UBE2U: variants seen among roughly 807,000 people sequenced by gnomAD.
UBE2U encodes the protein ubiquitin conjugating enzyme E2 U.
A neutral mutation model predicts 41.2 loss-of-function variants in UBE2U; 39 were observed. The observed-to-expected ratio is 0.95, with a 90% CI of 0.73 to 1.24. The LOEUF (loss-of-function observed/expected upper bound fraction) is 1.24. UBE2U is among the 50% of genes most tolerant of loss of function. UBE2U has a pLI of 0.00. For synonymous variants in UBE2U, 107 were observed against 117.8 expected, an observed-to-expected ratio of 0.91 and a Z score of 0.60; for missense variants, 336 against 363.1, an observed-to-expected ratio of 0.93 and a Z score of 0.61.
chr1:64,219,741 G>A (rs533909507), intron 5 of UBE2U, among the ~76,000 whole-genome samples: 64 of 151,876 alleles, frequency 4.2e-4, no homozygotes, highest in Non-Finnish European at 7.4e-4. Flanking sequence ...GACTACAGGC[G>A]CCCGCCACCA....
chr1:64,247,693 A>G (rs1228699658), intron 8 of UBE2U, among the ~76,000 whole-genome samples: 1 of 152,054 alleles, frequency 6.6e-6, no homozygotes, highest in Admixed American at 6.6e-5. Context: ...GTGAGACCTC[A>G]TCTCTACAAA....
chr1:64,239,889 A>G (rs1644805732), intron 7 of UBE2U, among the ~76,000 whole-genome samples: 1 of 152,136 alleles, frequency 6.6e-6, no homozygotes, highest in Non-Finnish European at 1.5e-5. Context: ...ACACCCAGTA[A>G]TGGGATGGCT....
At chr1:64,252,833 C>G (rs1264996398) in intron 8 of UBE2U, among the ~76,000 whole-genome samples, 1 of 152,188 alleles carries the variant, frequency 6.6e-6, no homozygotes, top group African/African-American at 2.4e-5. Context: ...GCTGAAAACT[C>G]AAAAAGCCAG....
At chr1:64,255,832 T>C (rs557802900) in intron 8 of UBE2U, among the ~76,000 whole-genome samples, 2 of 151,952 alleles carry the variant, frequency 1.3e-5, no homozygotes, top group South Asian at 2.1e-4. Context: ...CTTCAAATTA[T>C]CTTTGTTTGC....
intron 7 of UBE2U, 70 bp downstream of exon 7, chr1:64,232,719 A>T: frequency 7.7e-7 from 1 of 1,299,316 alleles, no homozygotes; most frequent in Non-Finnish European, 1.1e-6. Flanking sequence ...TCTTGGTTTC[A>T]AAGACTAATT....
At chr1:64,259,546 G>T (rs936431955) in intron 8 of UBE2U, among the ~76,000 whole-genome samples, 160 of 152,168 alleles carry the variant, frequency 1.1e-3, no homozygotes, top group African/African-American at 3.8e-3. Context: ...CATATGGCTA[G>T]CCAGTTTTCC....
intron 9 of UBE2U, among the ~76,000 whole-genome samples, chr1:64,263,589 T>C (rs1354512133): frequency 6.6e-6 from 1 of 152,206 alleles, no homozygotes; most frequent in African/African-American, 2.4e-5. Context: ...GTTTATTATG[T>C]AGCAAGAGAG....
rs1645267594 is a variant in UBE2U at position 64,267,189 on chromosome 1, C to G, written c.935C>G (p.Thr312Arg). The part of the protein sequence containing the change: ...DLISWTNTLN[T>R]NTSED ...ATCTCCTGGACCAATACTCTCAATA[C>G]AAATACTTCAGAAGATTAAGCAGAA... Residue 312 changes from threonine to arginine, a missense_variant, in exon 10 of 10, where the codon ACA (threonine) becomes AGA (arginine). Coordinates refer to ENST00000371077, the MANE Select transcript of UBE2U (RefSeq NM_001366232.2). The G allele has an allele frequency of 1.3e-6, 2 of 1,530,462 alleles. No homozygotes were observed. The highest frequency in any genetic ancestry group is 1.4e-5 in the African/African-American group (1 of 71,890). The allele number at this position is 1,530,462 out of a possible 1,614,324, so 94.8% of individuals were successfully genotyped here. A position where few individuals can be genotyped will look rare whatever the true frequency, so the allele number is the denominator to read the frequency against.
intron 8 of UBE2U, among the ~76,000 whole-genome samples, chr1:64,256,918 A>T (rs927850209): frequency 6.6e-6 from 1 of 151,872 alleles, no homozygotes; most frequent in Non-Finnish European, 1.5e-5. Flanking sequence ...CAGGAAAAAA[A>T]AAACCATTAA....
chr1:64,222,400 A>G (rs1652554870), intron 6 of UBE2U, among the ~76,000 whole-genome samples: 1 of 152,212 alleles, frequency 6.6e-6, no homozygotes, highest in African/African-American at 2.4e-5. Flanking sequence ...GTGTTTACTA[A>G]TAAGGCAGTA....
intron 6 of UBE2U, among the ~76,000 whole-genome samples, chr1:64,227,473 A>T (rs1328468138): frequency 6.6e-6 from 1 of 152,190 alleles, no homozygotes; most frequent in Non-Finnish European, 1.5e-5. Context: ...GTTTCTATAT[A>T]CTCATAATCA....
rs372080664 is a variant in UBE2U at position 64,261,201 on chromosome 1, GA to G, written c.769+510del. Among the ~76,000 whole-genome samples the G allele has an allele frequency of 5.2e-3, 795 of 152,264 alleles. 6 individuals are homozygous for G. The highest frequency in any genetic ancestry group is 0.018 in the African/African-American group (767 of 41,540). Reference sequence around the variant, plus strand: ...CATGGAAGTCAGCTGGTATAGAGGGGAAAGCATGACATTTGGGGATAGAGAA... The same window carrying G: ...CATGGAAGTCAGCTGGTATAGAGGGGAAGCATGACATTTGGGGATAGAGAA... On this transcript the variant is annotated intron_variant, in intron 9 of 9. Coordinates refer to ENST00000371077, the MANE Select transcript of UBE2U (RefSeq NM_001366232.2).
chr1:64,250,187 A>G (rs1644983818), intron 8 of UBE2U, among the ~76,000 whole-genome samples: 1 of 152,190 alleles, frequency 6.6e-6, no homozygotes, highest in African/African-American at 2.4e-5. Flanking sequence ...TCTCTCTAAA[A>G]TGAAGGTAAA....
intron 6 of UBE2U, among the ~76,000 whole-genome samples, chr1:64,222,687 T>C (rs915091168): frequency 1.3e-5 from 2 of 152,254 alleles, no homozygotes; most frequent in Non-Finnish European, 2.9e-5. Context: ...AGAGCTCAGT[T>C]ATGTCTAGTT....
At chr1:64,206,979 G>C in intron 3 of UBE2U, 123 bp downstream of exon 3, 1 of 661,278 alleles carries the variant, frequency 1.5e-6, no homozygotes, top group Non-Finnish European at 2.6e-6. Flanking sequence ...TCTCATTGGG[G>C]AAAATATGAA....
chr1:64,230,623 A>G (rs985724312), intron 6 of UBE2U, among the ~76,000 whole-genome samples: 5 of 151,520 alleles, frequency 3.3e-5, no homozygotes, highest in Non-Finnish European at 7.4e-5. Flanking sequence ...TGTATCCCAA[A>G]TGACTCTTTC....
intron 8 of UBE2U, among the ~76,000 whole-genome samples, chr1:64,242,241 C>T (rs1304761832): frequency 1.3e-5 from 2 of 152,030 alleles, no homozygotes; most frequent in Non-Finnish European, 2.9e-5. Flanking sequence ...AAATCATTGA[C>T]TCTTAGACCA....
At position 64,225,668 on chromosome 1, in the gene UBE2U, G is replaced by A. The variant is rs562336142; in HGVS notation, c.506+4761G>A. Among the ~76,000 whole-genome samples the A allele has an allele frequency of 2.6e-5, 4 of 152,348 alleles. No individual in the cohort carries two copies. In the East Asian group the frequency reaches 7.7e-4, roughly 29 times the overall value. ...TCAAGGGTTTGGGCATAGGTATGGA[G>A]GAGGAGAAATGAGTGGATTCAAGGC... On this transcript the variant is annotated intron_variant, in intron 6 of 9. Transcript: ENST00000371077.
chr1:64,220,427 C>G (rs1652364291), intron 5 of UBE2U, among the ~76,000 whole-genome samples: 1 of 152,120 alleles, frequency 6.6e-6, no homozygotes, highest in Non-Finnish European at 1.5e-5. Flanking sequence ...TCTCTCTGGC[C>G]CAGTTTTTCC....
Sources: gnomAD v4.1 joint callset for allele counts (sites outside exome capture counted in the v4.1 genomes callset) on GRCh38, gnomAD v4.1.1 for gene constraint, MANE v1.5 for transcripts, NCBI Gene and HGNC (gene_info 2026-07-23, HGNC 2026-07-21) for gene names.